ZNF420: variants seen among roughly 807,000 people sequenced by gnomAD.
ZNF420 encodes the protein ATM and p53-associated KZNF protein.
In ZNF420, 31 loss-of-function variants were observed where a neutral mutation model predicts 44.7. The observed-to-expected ratio is 0.69, with a 90% CI of 0.52 to 0.94. The LOEUF (loss-of-function observed/expected upper bound fraction) is 0.94, where lower values mean the gene tolerates loss of function less well. ZNF420 is among the 40% of genes least tolerant of loss of function. The pLI, the probability that ZNF420 is intolerant of heterozygous loss-of-function variation, is 0.00. For synonymous variants in ZNF420, 245 were observed against 267.4 expected (o/e 0.92, Z 0.82); for missense variants, 681 against 827.9 (o/e 0.82, Z 2.18).
At chr19:37,116,218 A>G (rs1024861846) in intron 4 of ZNF420, among the ~76,000 whole-genome samples, 1 of 151,880 alleles carries the variant, frequency 6.6e-6, no homozygotes, top group Non-Finnish European at 1.5e-5. Context: ...AATACAAAAA[A>G]ATTTAGCCAG....
upstream of ZNF420, among the ~76,000 whole-genome samples, chr19:37,073,751 G>GAAAAAAAAAAAAAAAAAAAAAAAAA (rs71177422): frequency 9.9e-6 from 1 of 100,550 alleles, no homozygotes; most frequent in Non-Finnish European, 2.1e-5. Context: ...CCTGAAAAAA[G>GAAAAAAAAAAAAAAAAAAAAAAAAA]AAAAAAAAAA....
intron 4 of ZNF420, chr19:37,111,454 A>T (rs575940282): frequency 6.6e-6 from 1 of 152,296 alleles, no homozygotes; most frequent in Non-Finnish European, 1.5e-5. Context: ...TTTGTGGCTT[A>T]ATTTTTTTAT....
intron 4 of ZNF420, among the ~76,000 whole-genome samples, chr19:37,118,980 G>C (rs1216744125): frequency 6.6e-6 from 1 of 152,142 alleles, no homozygotes; most frequent in East Asian, 1.9e-4. Context: ...CAAGTCCTGA[G>C]TGACCTACAA....
At chr19:37,026,148 T>C (rs958253753) in intron 1 of ZNF420, among the ~76,000 whole-genome samples, 3 of 150,826 alleles carry the variant, frequency 2.0e-5, no homozygotes, top group African/African-American at 7.3e-5. Flanking sequence ...ACCCCATCTC[T>C]ACTAAAATAC....
At chr19:37,081,358 A>G (rs748542426) in intron 2 of ZNF420, among the ~76,000 whole-genome samples, 39 of 152,110 alleles carry the variant, frequency 2.6e-4, no homozygotes, top group Non-Finnish European at 4.9e-4. Context: ...TGAAAAGACT[A>G]TATTCTGTGG....
At chr19:37,022,971 A>G (rs1394671446) in intron 1 of ZNF420, among the ~76,000 whole-genome samples, 1 of 152,102 alleles carries the variant, frequency 6.6e-6, no homozygotes, top group Non-Finnish European at 1.5e-5. Flanking sequence ...CCCAATCTCT[A>G]CTAAAAAAAT....
intron 1 of ZNF420, among the ~76,000 whole-genome samples, chr19:37,029,238 A>C (rs1260923791): frequency 6.6e-6 from 1 of 152,226 alleles, no homozygotes; most frequent in Non-Finnish European, 1.5e-5. Context: ...CAAAATAAGA[A>C]GAAAGGGCGA....
At position 37,079,244 on chromosome 19, in the gene ZNF420, T is replaced by C. The variant is rs566169023; in HGVS notation, c.-125+674T>C. 3.3e-5 allele frequency among the ~76,000 whole-genome samples: 5 copies of C among 152,354 alleles called. No homozygotes were observed. In the South Asian group the frequency reaches 1.0e-3, roughly 32 times the overall value. ...TAGCATAATTGGGTGATTGTGCCTC[T>C]AGCTGTGTAACTGTGGAAATGTGAT... On this transcript the variant is annotated intron_variant, in intron 1 of 4. Coordinates refer to ENST00000337995, the MANE Select transcript of ZNF420 (RefSeq NM_144689.5).
In ZNF420 at chr19:37,012,623, G is replaced by T. The variant is rs978970930; in HGVS notation, c.-125+4541G>T. Among the ~76,000 whole-genome samples, 3 of 152,206 alleles carry T rather than the reference G, an allele frequency of 2.0e-5. 1 individual carries two copies. Among genetic ancestry groups the T allele is most frequent in the Non-Finnish European group, 4.4e-5 (3 of 68,032 alleles). The stretch of plus-strand genomic sequence containing the variant: ...TCGAGTGAGTCTCCCAGAAAGTCGT[G>T]CACCCCCGTGACCTCGAGGACAGGT... On this transcript the variant is annotated intron_variant, in intron 1 of 4. Transcript: ENST00000587029.
At chr19:37,056,252 A>G (rs1293807568) in intron 1 of ZNF420, among the ~76,000 whole-genome samples, 2 of 152,142 alleles carry the variant, frequency 1.3e-5, no homozygotes, top group Non-Finnish European at 2.9e-5. Context: ...AGGCATCCCA[A>G]AATGTGGCTT....
At chr19:37,118,170 G>A (rs1026085059) in intron 4 of ZNF420, among the ~76,000 whole-genome samples, 4 of 152,162 alleles carry the variant, frequency 2.6e-5, no homozygotes, top group African/African-American at 9.7e-5. Context: ...ACACATAATT[G>A]TCAGATTCAC....
At chr19:37,012,886 C>CGT (rs1209636999) in intron 1 of ZNF420, among the ~76,000 whole-genome samples, 2 of 148,964 alleles carry the variant, frequency 1.3e-5, no homozygotes, top group Non-Finnish European at 3.0e-5. Flanking sequence ...CGCCCGTTTG[C>CGT]GTGTGTGTGT....
chr19:37,038,119 G>T (rs1029978984), intron 1 of ZNF420, among the ~76,000 whole-genome samples: 1 of 128,876 alleles, frequency 7.8e-6, no homozygotes, highest in Admixed American at 8.0e-5. Context: ...GACAGAGCGA[G>T]ACTCCGTCTC....
intron 4 of ZNF420, chr19:37,106,711 A>G (rs940042738): frequency 1.3e-5 from 2 of 152,138 alleles, no homozygotes; most frequent in Non-Finnish European, 2.9e-5. Flanking sequence ...AGAGACTGAG[A>G]AAAGAAAGAG....
chr19:37,108,192 A>G (rs1267593033), intron 4 of ZNF420: 1 of 152,232 alleles, frequency 6.6e-6, no homozygotes, highest in Non-Finnish European at 1.5e-5. Context: ...AACTCCTGCC[A>G]CAGCGGCTGT....
chr19:37,126,828 G>C (rs1183742360), intron 4 of ZNF420, among the ~76,000 whole-genome samples: 1 of 151,872 alleles, frequency 6.6e-6, no homozygotes. Context: ...TTCTAGATAG[G>C]AACATTACTG....
At chr19:37,044,395 G>A (rs73625207) in intron 1 of ZNF420, among the ~76,000 whole-genome samples, 2,001 of 152,234 alleles carry the variant, frequency 0.013, 47 homozygotes, top group African/African-American at 0.045. Flanking sequence ...GCAGGGAGCA[G>A]ATCAACCTGG....
chr19:37,041,381 C>T (rs1399587465), intron 1 of ZNF420, among the ~76,000 whole-genome samples: 1 of 151,392 alleles, frequency 6.6e-6, no homozygotes, highest in East Asian at 1.9e-4. Flanking sequence ...AATCTTTCTG[C>T]TGTTTTCGTA....
In ZNF420 at chr19:37,116,775, G is replaced by A. The variant is rs185300478; in HGVS notation, c.137-10353G>A. On this transcript the variant is annotated intron_variant, in intron 4 of 4. Coordinates refer to ENST00000337995, the MANE Select transcript of ZNF420 (RefSeq NM_144689.5). ...CACCCTAATACTGCGCTTTTCCAAC[G>A]GGCTTAAAAAACAGCACACCAGGAG... 5.3e-4 allele frequency among the ~76,000 whole-genome samples: 80 copies of A among 152,292 alleles called. No homozygotes were observed. In the East Asian group the frequency reaches 5.8e-3, roughly 11 times the overall value.
Sources: gnomAD v4.1 joint callset for allele counts (sites outside exome capture counted in the v4.1 genomes callset) on GRCh38, gnomAD v4.1.1 for gene constraint, MANE v1.5 for transcripts, NCBI Gene and HGNC (gene_info 2026-07-23, HGNC 2026-07-21) for gene names.